Variants in RNASEH2B observed in about 807,000 individuals in gnomAD.
The protein encoded by RNASEH2B is ribonuclease H2 subunit B.
RNASEH2B carries 36 observed loss-of-function variants against 45.0 expected under a neutral mutation model. The observed-to-expected ratio is 0.80, with a 90% CI of 0.61 to 1.06. The LOEUF (loss-of-function observed/expected upper bound fraction) is 1.06, where lower values mean the gene tolerates loss of function less well. RNASEH2B is among the 50% of genes least tolerant of loss of function. The pLI, the probability that RNASEH2B is intolerant of heterozygous loss-of-function variation, is 0.00. For missense variants in RNASEH2B, 361 were observed against 360.3 expected (o/e 1.00, Z -0.02); for synonymous variants, 119 against 125.7 (o/e 0.95, Z 0.35).
Position 50,956,343 on chromosome 13 carries a change from T to C in RNASEH2B, c.823-15T>C. ...TACATTCATAACAATTTTTCTCTCTTATTTTCATTAACAGAAAAATAGCAA... is the reference window on the plus strand; with the variant it reads ...TACATTCATAACAATTTTTCTCTCTCATTTTCATTAACAGAAAAATAGCAA... On this transcript the variant is annotated splice_polypyrimidine_tract_variant and intron_variant, in intron 10 of 10. Coordinates refer to ENST00000336617, the MANE Select transcript of RNASEH2B (RefSeq NM_024570.4). 1 of 1,574,218 alleles carries C rather than the reference T, an allele frequency of 6.4e-7. No homozygotes were observed.
chr13:50,969,796 C>A (rs543500939), intron 9 of RNASEH2B: 3 of 778,218 alleles, frequency 3.9e-6, no homozygotes, highest in Non-Finnish European at 6.4e-6. Context: ...CTCTTAGAAG[C>A]GAAAATGCTC....
intron 9 of RNASEH2B, among the ~76,000 whole-genome samples, chr13:50,963,878 C>T (rs373593885): frequency 1.1e-4 from 16 of 152,176 alleles, no homozygotes; most frequent in Non-Finnish European, 2.1e-4. Context: ...CATTTAGCTG[C>T]CACATCTCTT....
intron 8 of RNASEH2B, chr13:50,948,770 A>T (rs557776237): frequency 1.3e-5 from 2 of 152,260 alleles, no homozygotes; most frequent in South Asian, 4.1e-4. Flanking sequence ...ATGAAGATAA[A>T]ATGACTTTTT....
intron 1 of RNASEH2B, chr13:50,911,099 A>G (rs767859418): frequency 1.3e-5 from 2 of 152,234 alleles, no homozygotes; most frequent in African/African-American, 4.8e-5. Flanking sequence ...TGAACTTTTC[A>G]TACGTATACA....
At chr13:50,928,084 G>C (rs1333997572) in intron 2 of RNASEH2B, among the ~76,000 whole-genome samples, 1 of 151,356 alleles carries the variant, frequency 6.6e-6, no homozygotes, top group East Asian at 1.9e-4. Flanking sequence ...TGCATTTTCA[G>C]TTTTGTCTTC....
intron 6 of RNASEH2B, 31 bp from the exon 7 acceptor site, chr13:50,945,396 C>T (rs985375667): frequency 2.6e-5 from 38 of 1,464,514 alleles, no homozygotes; most frequent in Non-Finnish European, 3.6e-5. Context: ...GTTGAAAATA[C>T]CCTGCCTTTC....
At chr13:50,959,113 C>T (rs1379622263), downstream of RNASEH2B, among the ~76,000 whole-genome samples, 1 of 146,936 alleles carries the variant, frequency 6.8e-6, no homozygotes, top group African/African-American at 2.6e-5. Flanking sequence ...TTTTTTCATA[C>T]TTACTAATCA....
intron 4 of RNASEH2B, 41 bp from the exon 5 acceptor site, chr13:50,934,844 G>T: frequency 3.7e-6 from 5 of 1,347,160 alleles, no homozygotes; most frequent in South Asian, 2.4e-5. Flanking sequence ...GAATGTCTTT[G>T]TTGAATGAAA....
intron 9 of RNASEH2B, among the ~76,000 whole-genome samples, chr13:50,965,193 G>A (rs1003473165): frequency 1.3e-5 from 2 of 152,270 alleles, no homozygotes; most frequent in South Asian, 2.1e-4. Flanking sequence ...GTTTAAATAA[G>A]TTTAGATATA....
chr13:50,927,510 T>G (rs1951616340), intron 2 of RNASEH2B, 32 bp downstream of exon 2: 1 of 1,355,790 alleles, frequency 7.4e-7, no homozygotes, highest in Non-Finnish European at 1.1e-6. Context: ...TGAATGTTCT[T>G]AAATGTTGTG....
intron 7 of RNASEH2B, among the ~76,000 whole-genome samples, chr13:50,947,569 GATTT>G (rs147890613): frequency 0.078 from 11,784 of 151,860 alleles, 604 homozygotes; most frequent in Admixed American, 0.17. Flanking sequence ...TGAATAATTA[GATTT>G]ATTCTTTATT....
At chr13:50,970,231 C>T (rs1952208245) in exon 10 of RNASEH2B, 2 of 566,044 alleles carry the variant, frequency 3.5e-6, no homozygotes, top group African/African-American at 3.9e-5. Context: ...GTCTGAGGAC[C>T]TCAAGCTTGG....
intron 10 of RNASEH2B, 48 bp from the exon 11 acceptor site, chr13:50,956,310 A>G: frequency 7.0e-7 from 1 of 1,422,370 alleles, no homozygotes; most frequent in Non-Finnish European, 9.7e-7. Context: ...TATATGATTA[A>G]TAAATGTTAC....
intron 9 of RNASEH2B, among the ~76,000 whole-genome samples, chr13:50,967,483 C>T (rs2138045473): frequency 6.6e-6 from 1 of 152,266 alleles, no homozygotes; most frequent in African/African-American, 2.4e-5. Flanking sequence ...TTTCCAGGAG[C>T]CATATGGCAC....
Position 50,943,207 on chromosome 13 carries a change from T to C in RNASEH2B, c.437-114T>C, listed in dbSNP as rs373236020. The C allele has an allele frequency of 2.0e-5, 14 of 710,668 alleles. No individual in the cohort carries two copies. In the East Asian group the frequency reaches 3.4e-4, roughly 17 times the overall value. The allele number at this position is 710,668 out of a possible 1,614,324, so 44.0% of individuals were successfully genotyped here. A position where few individuals can be genotyped will look rare whatever the true frequency, so the allele number is the denominator to read the frequency against. ...GTTCTCAGGTTTGTAAATTAAGCTT[T>C]TCAAGAATTTAAACTTACAAAATAT... On this transcript the variant is annotated intron_variant, in intron 5 of 10. Transcript: ENST00000336617.
Position 50,929,731 on chromosome 13 carries a change from G to A in RNASEH2B, c.244+149G>A. On this transcript the variant is annotated intron_variant, in intron 3 of 10. Coordinates refer to ENST00000336617, the MANE Select transcript of RNASEH2B (RefSeq NM_024570.4). ...GCATGAGAGCAGGTTTAATCAAGGAGAAAGGAAAGATCATTTGAGCACTAA... is the reference window on the plus strand; with the variant it reads ...GCATGAGAGCAGGTTTAATCAAGGAAAAAGGAAAGATCATTTGAGCACTAA... 9 of 669,106 alleles carry A rather than the reference G, an allele frequency of 1.3e-5. 1 individual carries two copies. The highest frequency in any genetic ancestry group is 1.1e-4 in the South Asian group (7 of 61,836). The allele number at this position is 669,106 out of a possible 1,614,324, so 41.4% of individuals were successfully genotyped here.
intron 7 of RNASEH2B, among the ~76,000 whole-genome samples, chr13:50,946,415 A>G (rs917030630): frequency 6.6e-6 from 1 of 152,188 alleles, no homozygotes; most frequent in East Asian, 1.9e-4. Flanking sequence ...CCTTGCATGT[A>G]TAGGTAGTTG....
At chr13:50,928,080 T>G (rs368958560) in intron 2 of RNASEH2B, among the ~76,000 whole-genome samples, 2 of 152,210 alleles carry the variant, frequency 1.3e-5, no homozygotes, top group South Asian at 4.1e-4. Flanking sequence ...TCAGTGCATT[T>G]TCAGTTTTGT....
At chr13:50,926,197 G>GA (rs916966793) in intron 1 of RNASEH2B, among the ~76,000 whole-genome samples, 1 of 151,860 alleles carries the variant, frequency 6.6e-6, no homozygotes, top group Non-Finnish European at 1.5e-5. Context: ...ATTAGTTTAA[G>GA]AAAAAATGGT....
Sources: allele counts gnomAD v4.1 joint callset (sites outside exome capture counted in the v4.1 genomes callset), GRCh38; gene constraint gnomAD v4.1.1; transcripts MANE v1.5; gene names NCBI Gene and HGNC (gene_info 2026-07-23, HGNC 2026-07-21).